The following CSMD1 variants were observed in gnomAD, a reference collection of about 807,000 sequenced individuals.
The protein encoded by CSMD1 is CUB and sushi domain-containing protein 1.
A neutral mutation model predicts 417.5 loss-of-function variants in CSMD1; 213 were observed. The ratio of observed to expected loss-of-function variants is 0.51; its 90% CI spans 0.46 to 0.57. The LOEUF is 0.57. CSMD1 is among the 20% of genes least tolerant of loss of function. The probability of loss-of-function intolerance (pLI) is 0.00; values close to 1 mark genes in which losing one functional copy is unlikely to be tolerated. For missense variants in CSMD1, 6,923 were observed against 4,529.7 expected (o/e 1.53, Z -15.17); for synonymous variants, 2,862 against 1,736.8 (o/e 1.65, Z -16.11).
chr8:4,217,345 C>T (rs1272961091), intron 3 of CSMD1, among the ~76,000 whole-genome samples: 6 of 152,198 alleles, frequency 3.9e-5, no homozygotes, highest in African/African-American at 7.2e-5. Flanking sequence ...TGGACTCTAA[C>T]AATCAACTAT....
intron 8 of CSMD1, among the ~76,000 whole-genome samples, chr8:3,609,102 A>T (rs1801763358): frequency 6.6e-6 from 1 of 152,214 alleles, no homozygotes; most frequent in Admixed American, 6.5e-5. Context: ...CTTTGATATC[A>T]GTAGGATCCA....
intron 3 of CSMD1, among the ~76,000 whole-genome samples, chr8:4,087,914 G>A (rs1327558505): frequency 6.6e-6 from 1 of 152,234 alleles, no homozygotes; most frequent in South Asian, 2.1e-4. Flanking sequence ...AAGGATGCCT[G>A]AGGTCAAAAT....
intron 2 of CSMD1, among the ~76,000 whole-genome samples, chr8:4,487,038 T>A (rs927033675): frequency 2.0e-4 from 30 of 152,290 alleles, no homozygotes; most frequent in African/African-American, 7.0e-4. Context: ...CTGAAGAGAA[T>A]TGTAATATCT....
intron 11 of CSMD1, among the ~76,000 whole-genome samples, chr8:3,491,027 C>T (rs903977825): frequency 3.3e-5 from 5 of 152,156 alleles, no homozygotes; most frequent in African/African-American, 1.2e-4. Context: ...GATGCCTCTT[C>T]ATCCCCAAAT....
At chr8:3,628,335 C>T (rs1036941234) in intron 7 of CSMD1, among the ~76,000 whole-genome samples, 2 of 152,154 alleles carry the variant, frequency 1.3e-5, no homozygotes, top group Non-Finnish European at 2.9e-5. Flanking sequence ...TCCTGCCTGC[C>T]CACACCGGCC....
At chr8:4,483,078 G>C (rs901180921) in intron 2 of CSMD1, among the ~76,000 whole-genome samples, 9 of 152,236 alleles carry the variant, frequency 5.9e-5, no homozygotes, top group Admixed American at 3.3e-4. Flanking sequence ...ATGTGTTGTG[G>C]GAGATAATTG....
intron 6 of CSMD1, among the ~76,000 whole-genome samples, chr8:3,733,479 C>T (rs976223414): frequency 3.3e-5 from 5 of 151,606 alleles, no homozygotes; most frequent in Non-Finnish European, 5.9e-5. Flanking sequence ...TTGCTTTCAA[C>T]GGTTTCAGTT....
intron 31 of CSMD1, among the ~76,000 whole-genome samples, 176 bp downstream of exon 31, chr8:3,205,328 G>C (rs1797192529): frequency 6.6e-6 from 1 of 152,128 alleles, no homozygotes; most frequent in Admixed American, 6.6e-5. Flanking sequence ...ATTGGTAAAA[G>C]GACTGTAATG....
intron 1 of CSMD1, among the ~76,000 whole-genome samples, chr8:4,978,260 G>T (rs990998382): frequency 6.6e-6 from 1 of 152,112 alleles, no homozygotes; most frequent in Admixed American, 6.6e-5. Context: ...TCAAAGGGGG[G>T]ACAGGCAGGT....
intron 47 of CSMD1, among the ~76,000 whole-genome samples, chr8:3,093,301 G>A (rs878925076): frequency 6.6e-6 from 1 of 152,172 alleles, no homozygotes; most frequent in Non-Finnish European, 1.5e-5. Context: ...CTGGGAGGGA[G>A]GCTTGGAGGA....
rs563615100 is a variant in CSMD1, at chr8:3,682,701, C to G, written c.1009+25713G>C. ...GCCATCCCATTACTGGGTATATACCCAAAAGATTAAAAATCATGCTGTTAT... is the reference window on the plus strand; with the variant it reads ...GCCATCCCATTACTGGGTATATACCGAAAAGATTAAAAATCATGCTGTTAT... On this transcript the variant is annotated intron_variant, in intron 7 of 69. Transcript: ENST00000635120. Among the ~76,000 whole-genome samples, 16 of 152,178 alleles carry G rather than the reference C, an allele frequency of 1.1e-4. 1 individual carries two copies. In the East Asian group the frequency reaches 2.9e-3, roughly 28 times the overall value.
rs1170764743 is a variant in CSMD1, at chr8:4,082,490, A to G, written c.416-50391T>C. 2.0e-5 allele frequency among the ~76,000 whole-genome samples: 3 copies of G among 152,212 alleles called. No individual in the cohort carries two copies. In the South Asian group the frequency reaches 6.2e-4, roughly 31 times the overall value. On this transcript the variant is annotated intron_variant, in intron 3 of 69. Coordinates refer to ENST00000635120, the MANE Select transcript of CSMD1 (RefSeq NM_033225.6). ...GTTCTAGGAGATTAACGTAATTTTG[A>G]TAACAAAGTCTGTCAAAGACCTAAA...
At chr8:3,304,887 G>A (rs185081616) in intron 25 of CSMD1, among the ~76,000 whole-genome samples, 51 of 152,126 alleles carry the variant, frequency 3.4e-4, no homozygotes, top group Admixed American at 1.1e-3. Context: ...ACAAAAATGT[G>A]AAATTCTTCT....
intron 5 of CSMD1, among the ~76,000 whole-genome samples, chr8:3,789,981 T>A (rs952470710): frequency 6.6e-6 from 1 of 152,130 alleles, no homozygotes; most frequent in African/African-American, 2.4e-5. Flanking sequence ...TCCGCCCACC[T>A]CGGCCTCCCA....
intron 3 of CSMD1, among the ~76,000 whole-genome samples, chr8:4,418,300 G>T (rs1563152870): frequency 6.6e-6 from 1 of 151,998 alleles, no homozygotes. Flanking sequence ...TTTTTCAGTT[G>T]ATCTTTTGGA....
intron 1 of CSMD1, among the ~76,000 whole-genome samples, chr8:4,737,806 T>C (rs765917434): frequency 5.9e-5 from 9 of 152,122 alleles, no homozygotes; most frequent in Non-Finnish European, 1.3e-4. Flanking sequence ...AATGGTAGCA[T>C]CTAAAGTAAT....
rs60539199 is a variant in CSMD1 at position 4,851,174 on chromosome 8, C to A, written c.85+143158G>T. Among the ~76,000 whole-genome samples the A allele has an allele frequency of 4.6e-3, 674 of 147,114 alleles. 3 individuals carry two copies. Among genetic ancestry groups the A allele is most frequent in the African/African-American group, 0.016 (643 of 40,122 alleles). On this transcript the variant is annotated intron_variant, in intron 1 of 69. Coordinates refer to ENST00000635120, the MANE Select transcript of CSMD1 (RefSeq NM_033225.6). The stretch of plus-strand genomic sequence containing the variant: ...TCCATGTGTTATTATTCAATTCCCA[C>A]CTATGAGTGAAAATATGCAGTGTTT...
chr8:3,053,737 A>T (rs999158650), intron 49 of CSMD1, among the ~76,000 whole-genome samples: 3 of 152,184 alleles, frequency 2.0e-5, no homozygotes, highest in Non-Finnish European at 4.4e-5. Context: ...AAAATTCTCA[A>T]ACGATTACAT....
chr8:3,567,012 C>T (rs1799742701), intron 10 of CSMD1, among the ~76,000 whole-genome samples: 1 of 152,180 alleles, frequency 6.6e-6, no homozygotes, highest in African/African-American at 2.4e-5. Context: ...ATAGAAAATA[C>T]ATGGAGTCAA....
Sources: allele counts gnomAD v4.1 joint callset (sites outside exome capture counted in the v4.1 genomes callset), GRCh38; gene constraint gnomAD v4.1.1; transcripts MANE v1.5; gene names NCBI Gene and HGNC (gene_info 2026-07-23, HGNC 2026-07-21).